LSM12: variants seen among roughly 807,000 people sequenced by gnomAD.
LSM12 encodes LSM12 homolog.
For missense variants in LSM12, 108 were observed against 238.9 expected (o/e 0.45, Z 3.61); for synonymous variants, 74 against 87.3 (o/e 0.85, Z 0.85).
At chr17:44,037,220 C>A in intron 4 of LSM12, 192 bp downstream of exon 4, 1 of 538,390 alleles carries the variant, frequency 1.9e-6, no homozygotes, top group South Asian at 4.2e-5. Flanking sequence ...TCACTTCTTT[C>A]CACACCACCC....
At chr17:44,063,421 C>G (rs2049825523) in intron 2 of LSM12, among the ~76,000 whole-genome samples, 1 of 152,084 alleles carries the variant, frequency 6.6e-6, no homozygotes, top group East Asian at 1.9e-4. Flanking sequence ...CACTTTAGAT[C>G]TTCAAGCAGA....
intron 2 of LSM12, among the ~76,000 whole-genome samples, chr17:44,050,639 G>T (rs560353061): frequency 6.6e-6 from 1 of 151,964 alleles, no homozygotes; most frequent in Admixed American, 6.6e-5. Flanking sequence ...CACTGCCTCA[G>T]CCTCCAGAGT....
chr17:44,044,030 G>T (rs1399001580), intron 2 of LSM12, among the ~76,000 whole-genome samples: 2 of 152,084 alleles, frequency 1.3e-5, no homozygotes, highest in South Asian at 2.1e-4. Flanking sequence ...AGCTTGTGTT[G>T]ACTAGATAGT....
chr17:44,055,682 T>C (rs1049022245), intron 2 of LSM12, among the ~76,000 whole-genome samples: 6 of 144,840 alleles, frequency 4.1e-5, no homozygotes, highest in East Asian at 2.0e-4. Flanking sequence ...CTCAAATATA[T>C]ATATATAAAA....
At chr17:44,064,267 G>A (rs1037584030) in intron 1 of LSM12, among the ~76,000 whole-genome samples, 1 of 152,128 alleles carries the variant, frequency 6.6e-6, no homozygotes, top group Non-Finnish European at 1.5e-5. Context: ...CTCTGTGTCT[G>A]CACAGTATTC....
intron 2 of LSM12, among the ~76,000 whole-genome samples, chr17:44,063,024 G>A (rs745451994): frequency 5.9e-5 from 9 of 151,956 alleles, no homozygotes; most frequent in Non-Finnish European, 1.3e-4. Context: ...AGCCGAGATC[G>A]CGTCACTGCA....
chr17:44,056,700 G>GAA (rs79543508), intron 2 of LSM12, among the ~76,000 whole-genome samples: 26 of 132,810 alleles, frequency 2.0e-4, no homozygotes, highest in African/African-American at 6.8e-4. Flanking sequence ...TCCAAAAAAA[G>GAA]AAAAAAAAAA....
At chr17:44,065,554 AG>A (rs1407561992) in intron 1 of LSM12, among the ~76,000 whole-genome samples, 2 of 152,160 alleles carry the variant, frequency 1.3e-5, no homozygotes, top group African/African-American at 4.8e-5. Flanking sequence ...TATCCCAACA[AG>A]GAAGTGTTTC....
chr17:44,065,288 A>C (rs181675375), intron 1 of LSM12, among the ~76,000 whole-genome samples: 5 of 151,494 alleles, frequency 3.3e-5, no homozygotes, highest in African/African-American at 9.7e-5. Flanking sequence ...AACATATACA[A>C]AAATTAGCTG....
In LSM12 at chr17:44,037,565, T is replaced by G. The variant is rs370302903; in HGVS notation, c.369-27A>C. ...TGGAAGGAGAAGACAGCAGGCGAAA[T>G]GTAACCTCTTGGGGGCATCCCACAT... is the stretch of plus-strand genomic sequence containing the variant. On this transcript the variant is annotated intron_variant, in intron 3 of 4. Coordinates refer to ENST00000293406, the MANE Select transcript of LSM12 (RefSeq NM_001371445.1). The G allele has an allele frequency of 2.7e-5, 43 of 1,591,614 alleles. No individual in the cohort carries two copies. The African/African-American group carries it at 5.5e-4, about 20-fold the overall frequency.
chr17:44,042,566 AT>A (rs72404001), intron 2 of LSM12, among the ~76,000 whole-genome samples: 111,170 of 115,468 alleles, frequency 0.96, 53,491 homozygotes, highest in East Asian at 0.99. Context: ...CCCCCAGCTA[AT>A]TTTTTTTTTT....
At position 44,064,034 on chromosome 17, in the gene LSM12, A is replaced by G; in HGVS notation, c.125-100T>C. 3 of 1,377,594 alleles carry G rather than the reference A, an allele frequency of 2.2e-6. No homozygotes were observed. The African/African-American group carries it at 4.4e-5, about 20-fold the overall frequency. 85.3% of individuals were successfully genotyped at this position (1,377,594 alleles called of 1,614,324 possible). A position where few individuals can be genotyped will look rare whatever the true frequency, so the allele number is the denominator to read the frequency against. On this transcript the variant is annotated intron_variant, in intron 1 of 4. Transcript: ENST00000293406. ...AACACGATTCACACAAGGCTTGTAA[A>G]AGGCAGGCCAGGAGCATGAGGGCCT...
intron 1 of LSM12, 119 bp downstream of exon 1, chr17:44,066,345 C>G (rs2049876564): frequency 7.5e-7 from 1 of 1,334,488 alleles, no homozygotes. Context: ...CCCCGGGCGC[C>G]GCGGTAGCCG....
intron 2 of LSM12, among the ~76,000 whole-genome samples, chr17:44,051,458 C>T (rs999568602): frequency 6.0e-5 from 9 of 150,518 alleles, no homozygotes; most frequent in African/African-American, 1.5e-4. Context: ...CCCAGCTTCT[C>T]GGGAGCCTAG....
At chr17:44,062,644 T>C (rs1386426566) in intron 2 of LSM12, among the ~76,000 whole-genome samples, 2 of 152,070 alleles carry the variant, frequency 1.3e-5, no homozygotes, top group East Asian at 3.9e-4. Flanking sequence ...CCCAGCACTT[T>C]GGGAGGCTGA....
At chr17:44,058,519 C>A (rs1361674344) in intron 2 of LSM12, among the ~76,000 whole-genome samples, 1 of 151,754 alleles carries the variant, frequency 6.6e-6, no homozygotes, top group African/African-American at 2.4e-5. Context: ...CTGGGCCACA[C>A]AGTAAGACCC....
intron 2 of LSM12, among the ~76,000 whole-genome samples, chr17:44,048,214 G>C (rs2049597074): frequency 6.6e-6 from 1 of 151,756 alleles, no homozygotes; most frequent in Admixed American, 6.6e-5. Flanking sequence ...AAGAGCAGTG[G>C]CTCATGCTTG....
At chr17:44,041,506 T>C (rs1243384340) in intron 2 of LSM12, among the ~76,000 whole-genome samples, 1 of 152,206 alleles carries the variant, frequency 6.6e-6, no homozygotes, top group Admixed American at 6.5e-5. Context: ...GAGCCAGGAC[T>C]CAAGTAAATC....
intron 2 of LSM12, among the ~76,000 whole-genome samples, chr17:44,041,463 ACT>A (rs754612965): frequency 1.3e-5 from 2 of 152,170 alleles, no homozygotes; most frequent in South Asian, 4.1e-4. Flanking sequence ...GACTCTAAAA[ACT>A]CTTACAGAAC....
Sources: gnomAD v4.1 joint callset for allele counts (sites outside exome capture counted in the v4.1 genomes callset) on GRCh38, gnomAD v4.1.1 for gene constraint, MANE v1.5 for transcripts, NCBI Gene and HGNC (gene_info 2026-07-23, HGNC 2026-07-21) for gene names.